The following MLIP variants were observed in gnomAD, a reference collection of about 807,000 sequenced individuals.
MLIP encodes muscular LMNA-interacting protein.
In MLIP, 79 loss-of-function variants were observed where a neutral mutation model predicts 84.8. The observed-to-expected ratio is 0.93, with a 90% CI of 0.78 to 1.12. The LOEUF (loss-of-function observed/expected upper bound fraction) is 1.12, where lower values mean the gene tolerates loss of function less well. MLIP is among the 50% of genes most tolerant of loss of function. The pLI, the probability that MLIP is intolerant of heterozygous loss-of-function variation, is 0.00. For synonymous variants in MLIP, 504 were observed against 463.0 expected, an observed-to-expected ratio of 1.09 and a Z score of -1.14; for missense variants, 1,257 against 1,160.6, an observed-to-expected ratio of 1.08 and a Z score of -1.21.
rs775094914 is a variant in MLIP at position 54,230,866 on chromosome 6, T to A, written c.2871T>A (p.Ser957Arg). The stretch of plus-strand genomic sequence containing the variant: ...TCAGTCATCTGTCCTTCTCCTTGAG[T>A]GATGAACAGGAGAATTCTCACACCC... ...GPFSHLSFSL[S>R]DEQENSHTLL... Residue 957 changes from serine (S) to arginine (R), a missense_variant, in exon 12 of 14, where the codon AGT (serine) becomes AGA (arginine). Ser to Arg is a moderately radical substitution (Grantham distance 110). Transcript: ENST00000502396. 187 of 1,613,816 alleles carry A rather than the reference T, an allele frequency of 1.2e-4. No homozygotes were observed. Among genetic ancestry groups the A allele is most frequent in the Non-Finnish European group, 1.6e-4 (183 of 1,179,956 alleles).
intron 3 of MLIP, among the ~76,000 whole-genome samples, chr6:54,129,779 G>C (rs1771229151): frequency 6.6e-6 from 1 of 152,156 alleles, no homozygotes. Context: ...TCAGCTGGAT[G>C]GCTCTTTGAA....
upstream of MLIP, among the ~76,000 whole-genome samples, chr6:54,110,735 T>C (rs1452816381): frequency 6.6e-6 from 1 of 152,230 alleles, no homozygotes; most frequent in Non-Finnish European, 1.5e-5. Flanking sequence ...GAAAAATCAA[T>C]ACTTAGAAAA....
At chr6:54,247,151 C>G (rs1308701146) in intron 12 of MLIP, among the ~76,000 whole-genome samples, 1 of 152,110 alleles carries the variant, frequency 6.6e-6, no homozygotes, top group Non-Finnish European at 1.5e-5. Context: ...GAACTTTTAA[C>G]AGTTTATAAA....
Position 54,124,705 on chromosome 6 carries a change from CA to C in MLIP, c.486del (p.Ile165LeufsTer11), listed in dbSNP as rs761666155. 9 of 1,614,070 alleles carry C rather than the reference CA, an allele frequency of 5.6e-6. No homozygotes were observed. Among genetic ancestry groups the C allele is most frequent in the African/African-American group, 2.7e-5 (2 of 74,934 alleles). On this transcript the variant is annotated frameshift_variant, in exon 3 of 14. Coordinates refer to ENST00000502396, the MANE Select transcript of MLIP (RefSeq NM_001281747.2). LOFTEE classifies it high-confidence loss of function. Reference sequence around the variant, plus strand: ...AGCAGAAAAGTTGAACAAGGCCCCCCAGGGGGGATTGGCACCGCAGCTGTCC... The same window carrying C: ...AGCAGAAAAGTTGAACAAGGCCCCCCGGGGGGATTGGCACCGCAGCTGTCC... ...AASRKVEQGP[P>X]GGIGTAAVRP...
chr6:54,184,432 C>T (rs1032225226), intron 9 of MLIP, among the ~76,000 whole-genome samples: 6 of 152,066 alleles, frequency 3.9e-5, no homozygotes, highest in East Asian at 3.9e-4. Context: ...AGAGTGATGC[C>T]GACCAAAGGG....
At chr6:54,247,555 G>A (rs1244942826) in intron 12 of MLIP, among the ~76,000 whole-genome samples, 1 of 152,082 alleles carries the variant, frequency 6.6e-6, no homozygotes, top group East Asian at 1.9e-4. Flanking sequence ...CAGTTTAAAG[G>A]CATTAAACAT....
Position 54,177,693 on chromosome 6 carries a change from G to T in MLIP, c.2544+8121G>T, listed in dbSNP as rs146277623. ...ATTTCACCCAGCAATCCCATTACTG[G>T]GTATATACCCAAAGGAATATAAGTC... On this transcript the variant is annotated intron_variant, in intron 9 of 13. Transcript: ENST00000502396. Among the ~76,000 whole-genome samples the T allele has an allele frequency of 7.3e-3, 1,114 of 152,094 alleles. 18 individuals carry two copies. The highest frequency in any genetic ancestry group is 0.025 in the African/African-American group (1,020 of 41,464).
chr6:54,231,784 G>T (rs1198334147), intron 12 of MLIP, among the ~76,000 whole-genome samples: 6 of 152,066 alleles, frequency 3.9e-5, no homozygotes, highest in Non-Finnish European at 7.4e-5. Flanking sequence ...TCTATACTTA[G>T]AAATCAATCA....
At chr6:54,144,038 TC>T (rs1772563039) in intron 4 of MLIP, among the ~76,000 whole-genome samples, 1 of 152,170 alleles carries the variant, frequency 6.6e-6, no homozygotes, top group African/African-American at 2.4e-5. Flanking sequence ...AGTTGCTACC[TC>T]GCCCATCTGC....
chr6:54,260,590 T>C (rs1472427107), intron 13 of MLIP, among the ~76,000 whole-genome samples: 2 of 151,816 alleles, frequency 1.3e-5, no homozygotes, highest in Admixed American at 6.6e-5. Context: ...AAACACAAAA[T>C]AGAAAGTAAA....
At chr6:54,067,913 A>G (rs1766282338) in intron 1 of MLIP, among the ~76,000 whole-genome samples, 1 of 99,762 alleles carries the variant, frequency 1.0e-5, no homozygotes. Flanking sequence ...AGTCTCAGCC[A>G]AGCTAGGGAT....
At chr6:54,240,260 T>C (rs1233293014) in intron 12 of MLIP, among the ~76,000 whole-genome samples, 1 of 152,228 alleles carries the variant, frequency 6.6e-6, no homozygotes, top group Non-Finnish European at 1.5e-5. Flanking sequence ...CTAGCTACTA[T>C]AATAGAATTT....
chr6:54,033,245 C>T (rs1034785814), intron 1 of MLIP, among the ~76,000 whole-genome samples: 1 of 151,668 alleles, frequency 6.6e-6, no homozygotes, highest in African/African-American at 2.4e-5. Context: ...GCTATTTTCC[C>T]ATTTTGCAGT....
chr6:54,054,584 A>G (rs1402990836), intron 1 of MLIP, among the ~76,000 whole-genome samples: 1 of 152,176 alleles, frequency 6.6e-6, no homozygotes, highest in Non-Finnish European at 1.5e-5. Flanking sequence ...GGGCTAGATT[A>G]AAGATATCAA....
At chr6:54,081,759 C>T (rs1048395977) in intron 1 of MLIP, among the ~76,000 whole-genome samples, 1 of 152,012 alleles carries the variant, frequency 6.6e-6, no homozygotes, top group Non-Finnish European at 1.5e-5. Flanking sequence ...CTGACCTCGC[C>T]CCAGCAGACT....
rs544469165 is a variant in MLIP, at chr6:54,230,783, A to G, written c.2788A>G (p.Lys930Glu). 3 of 1,614,048 alleles carry G rather than the reference A, an allele frequency of 1.9e-6. No individual in the cohort carries two copies. Among genetic ancestry groups the G allele is most frequent in the South Asian group, 1.1e-5 (1 of 91,080 alleles). The change falls in exon 12 of 14, where the codon AAG (lysine) becomes GAG (glutamate). Residue 930 changes from lysine (K) to glutamate (E), a missense_variant. Physicochemically the swap from Lys to Glu is moderately conservative, Grantham distance 56. Transcript: ENST00000502396. ...LYQTKLYPPAKSLLHPQTLSH... is the reference protein window; with the variant it reads ...LYQTKLYPPAESLLHPQTLSH... ...TCAGACTAAACTCTATCCTCCTGCT[A>G]AGTCACTGCTGCATCCACAGACCCT...
chr6:54,077,289 T>C (rs1483169427), intron 1 of MLIP, among the ~76,000 whole-genome samples: 1 of 152,088 alleles, frequency 6.6e-6, no homozygotes. Context: ...TTTTAGGTTT[T>C]CTTGGCTGCA....
chr6:54,043,745 G>A (rs1401195415), intron 1 of MLIP, among the ~76,000 whole-genome samples: 2 of 152,186 alleles, frequency 1.3e-5, no homozygotes, highest in Non-Finnish European at 2.9e-5. Context: ...TGACATGGGG[G>A]AAACAAATCT....
chr6:54,222,687 A>G (rs1274272027), intron 11 of MLIP, among the ~76,000 whole-genome samples: 3 of 152,124 alleles, frequency 2.0e-5, no homozygotes, highest in Non-Finnish European at 4.4e-5. Context: ...ACATGAAAGT[A>G]CAGATATCTC....
Sources: allele counts gnomAD v4.1 joint callset (sites outside exome capture counted in the v4.1 genomes callset), GRCh38; gene constraint gnomAD v4.1.1; transcripts MANE v1.5; gene names NCBI Gene and HGNC (gene_info 2026-07-23, HGNC 2026-07-21).